Variants in ABTB3 observed in about 807,000 individuals in gnomAD.
The protein encoded by ABTB3 is ankyrin repeat and BTB domain containing 3.
the ABTB3 span, among the ~76,000 whole-genome samples, chr12:107,413,040 C>T: frequency 1.3e-5 from 2 of 151,936 alleles, no homozygotes; most frequent in Non-Finnish European, 2.9e-5. Context: ...TTTGGGAGGC[C>T]GAAGTGGGCG....
At chr12:107,561,631 C>A in the ABTB3 span, among the ~76,000 whole-genome samples, 1 of 152,168 alleles carries the variant, frequency 6.6e-6, no homozygotes, top group Non-Finnish European at 1.5e-5. Flanking sequence ...GGTTTTAAAT[C>A]CTTGTGTCCT....
the ABTB3 span, among the ~76,000 whole-genome samples, chr12:107,563,472 A>G: frequency 2.0e-5 from 3 of 152,214 alleles, no homozygotes; most frequent in African/African-American, 7.2e-5. Flanking sequence ...ATAAAATGTC[A>G]TCTTGAGCAG....
chr12:107,537,549 G>T, the ABTB3 span, among the ~76,000 whole-genome samples: 2 of 152,098 alleles, frequency 1.3e-5, no homozygotes, highest in African/African-American at 4.8e-5. Flanking sequence ...AAATAGAATT[G>T]CTTCTCAGGT....
chr12:107,581,075 G>C, the ABTB3 span: 1 of 1,545,526 alleles, frequency 6.5e-7, no homozygotes, highest in Non-Finnish European at 8.7e-7. Flanking sequence ...CCGCGAGCAG[G>C]GGGTGGGGCC....
the ABTB3 span, among the ~76,000 whole-genome samples, chr12:107,597,347 A>T: frequency 6.6e-6 from 1 of 152,212 alleles, no homozygotes; most frequent in Non-Finnish European, 1.5e-5. Context: ...TAAAGAAAAG[A>T]GCTTTATTTG....
At chr12:107,340,578 T>C in the ABTB3 span, among the ~76,000 whole-genome samples, 1 of 152,128 alleles carries the variant, frequency 6.6e-6, no homozygotes, top group South Asian at 2.1e-4. Flanking sequence ...GAAAAACAGT[T>C]GGTACCTGTG....
chr12:107,544,071 G>T, the ABTB3 span: 2 of 1,614,060 alleles, frequency 1.2e-6, no homozygotes, highest in South Asian at 2.2e-5. Context: ...GCTATTTCAT[G>T]CACTGCCCAC....
chr12:107,474,617 A>G, the ABTB3 span, among the ~76,000 whole-genome samples: 2 of 152,128 alleles, frequency 1.3e-5, no homozygotes, highest in African/African-American at 4.8e-5. Context: ...GAGGCATTGG[A>G]GGGAAATCCA....
At chr12:107,602,770 A>C in the ABTB3 span, among the ~76,000 whole-genome samples, 88 of 152,234 alleles carry the variant, frequency 5.8e-4, no homozygotes, top group Non-Finnish European at 1.1e-3. Flanking sequence ...TCCAGAGATC[A>C]GCAGAATGCA....
chr12:107,340,438 A>G, the ABTB3 span, among the ~76,000 whole-genome samples: 1 of 152,238 alleles, frequency 6.6e-6, no homozygotes, highest in South Asian at 2.1e-4. Flanking sequence ...AGAATCTAGT[A>G]CAAAATTTAA....
At chr12:107,496,628 TAGA>T in the ABTB3 span, among the ~76,000 whole-genome samples, 1 of 152,110 alleles carries the variant, frequency 6.6e-6, no homozygotes, top group East Asian at 1.9e-4. Flanking sequence ...CTAAGCACCT[TAGA>T]AGAAGACGAA....
chr12:107,621,817 A>G, the ABTB3 span, among the ~76,000 whole-genome samples: 3 of 152,238 alleles, frequency 2.0e-5, no homozygotes, highest in Admixed American at 6.5e-5. Flanking sequence ...TGACTTGGAC[A>G]GCTCATTAGA....
chr12:107,446,907 G>T, the ABTB3 span, among the ~76,000 whole-genome samples: 1 of 152,190 alleles, frequency 6.6e-6, no homozygotes, highest in Non-Finnish European at 1.5e-5. Context: ...CTAGTAGAAA[G>T]ATTGAATGAT....
At chr12:107,496,059 A>T in the ABTB3 span, among the ~76,000 whole-genome samples, 1 of 152,138 alleles carries the variant, frequency 6.6e-6, no homozygotes, top group South Asian at 2.1e-4. Flanking sequence ...TACTATCGCT[A>T]TCATTTGTGC....
chr12:107,581,211 G>A, the ABTB3 span: 3 of 1,506,724 alleles, frequency 2.0e-6, no homozygotes, highest in Non-Finnish European at 2.7e-6. Flanking sequence ...GCGCACGCCG[G>A]CCACCGCCGC....
At chr12:107,403,634 G>A in the ABTB3 span, among the ~76,000 whole-genome samples, 1 of 152,114 alleles carries the variant, frequency 6.6e-6, no homozygotes, top group Non-Finnish European at 1.5e-5. Flanking sequence ...AGCTTCCACC[G>A]ATACATTATT....
the ABTB3 span, among the ~76,000 whole-genome samples, chr12:107,588,233 G>A: frequency 1.2e-4 from 18 of 152,184 alleles, no homozygotes; most frequent in African/African-American, 4.3e-4. Flanking sequence ...TTCCAAATAA[G>A]GTCATACCCA....
chr12:107,648,020 G>A, the ABTB3 span, among the ~76,000 whole-genome samples: 21,425 of 152,168 alleles, frequency 0.14, 1,633 homozygotes, highest in South Asian at 0.2. Context: ...TAACCAGTCC[G>A]TAGATTTTGC....
At chr12:107,523,067 T>G in the ABTB3 span, among the ~76,000 whole-genome samples, 3 of 152,288 alleles carry the variant, frequency 2.0e-5, no homozygotes, top group Admixed American at 2.0e-4. Context: ...AATGCTAGAT[T>G]GTGTTAAAGT....
Sources: allele counts gnomAD v4.1 joint callset (sites outside exome capture counted in the v4.1 genomes callset), GRCh38; gene constraint gnomAD v4.1.1; transcripts MANE v1.5; gene names NCBI Gene and HGNC (gene_info 2026-07-23, HGNC 2026-07-21).